Variants in TJP1 observed in about 807,000 individuals in gnomAD.
TJP1 encodes the protein tight junction protein ZO-1.
A neutral mutation model predicts 194.2 loss-of-function variants in TJP1; 43 were observed. That is an observed-to-expected ratio of 0.22 (90% CI 0.17 to 0.29). The LOEUF is 0.29. Among genes scored for constraint, TJP1 ranks in the 10% least tolerant of loss-of-function variants. TJP1 has a pLI of 1.00. For missense variants in TJP1, 1,971 were observed against 2,185.7 expected, an observed-to-expected ratio of 0.90 and a Z score of 1.96; for synonymous variants, 801 against 779.0, an observed-to-expected ratio of 1.03 and a Z score of -0.47.
intron 1 of TJP1, among the ~76,000 whole-genome samples, chr15:29,961,334 CTT>C (rs5811594): frequency 1.1e-5 from 1 of 89,832 alleles, no homozygotes; most frequent in Non-Finnish European, 1.9e-5. Flanking sequence ...TTTCCTAATT[CTT>C]TTTTTTTTTT....
chr15:29,902,300 AAT>A (rs2053658745), intron 2 of TJP1, among the ~76,000 whole-genome samples: 2 of 152,194 alleles, frequency 1.3e-5, no homozygotes. Context: ...GCTTGGAAAA[AAT>A]ATAGACTACG....
chr15:29,822,267 A>C lies in TJP1; in HGVS notation c.-239T>G. 1 of 1,159,422 alleles carries C rather than the reference A, an allele frequency of 8.6e-7. No homozygotes were observed. The highest frequency in any genetic ancestry group is 1.1e-6 in the Non-Finnish European group (1 of 941,190). 71.8% of individuals were successfully genotyped at this position (1,159,422 alleles called of 1,614,324 possible). On this transcript the variant is annotated 5_prime_UTR_variant, in exon 1 of 28. Coordinates refer to ENST00000614355, the MANE Select transcript of TJP1 (RefSeq NM_001330239.4). ...CGCGCCCGACCGGCACCTCCCTCCG[A>C]GCGCGGCCACCCACTCGGCCTCCCG... is the stretch of plus-strand genomic sequence containing the variant.
At chr15:29,949,725 C>T (rs1276732214) in intron 2 of TJP1, among the ~76,000 whole-genome samples, 260 of 117,714 alleles carry the variant, frequency 2.2e-3, no homozygotes, top group Middle Eastern at 6.0e-3. Flanking sequence ...ACCTCCACCG[C>T]CATCACCTCC....
At position 29,949,103 on chromosome 15, in the gene TJP1, A is replaced by G. The variant is rs1261673537; in HGVS notation, c.306+7129T>C. 5.6e-5 allele frequency among the ~76,000 whole-genome samples: 8 copies of G among 143,852 alleles called. 1 individual carries two copies. The East Asian group carries it at 1.7e-3, about 30-fold the overall frequency. 94.4% of individuals were successfully genotyped at this position (143,852 alleles called of 152,430 possible). ...AACCTACTCCTTCACCACCACCTCC[A>G]CCACTTCCACCTCTACAACCACCAC... On this transcript the variant is annotated intron_variant, in intron 2 of 28. Transcript: ENST00000356107.
intron 2 of TJP1, among the ~76,000 whole-genome samples, chr15:29,866,239 G>A (rs745343955): frequency 2.6e-5 from 4 of 152,068 alleles, no homozygotes; most frequent in African/African-American, 7.2e-5. Flanking sequence ...CCTGCTCCCC[G>A]CATTCTTGTT....
intron 2 of TJP1, among the ~76,000 whole-genome samples, chr15:29,793,700 C>A (rs955192036): frequency 1.3e-5 from 2 of 152,172 alleles, no homozygotes; most frequent in African/African-American, 4.8e-5. Context: ...CTAAACCATT[C>A]ATGAGAACTC....
intron 13 of TJP1, 112 bp downstream of exon 13, chr15:29,732,982 T>A (rs912304555): frequency 7.6e-7 from 1 of 1,309,996 alleles, no homozygotes; most frequent in Non-Finnish European, 1.1e-6. Flanking sequence ...TATAGATACG[T>A]TGAATACAAT....
chr15:29,951,200 C>T (rs556635283), intron 2 of TJP1, among the ~76,000 whole-genome samples: 1 of 151,822 alleles, frequency 6.6e-6, no homozygotes, highest in African/African-American at 2.4e-5. Context: ...TGGAGTCTTG[C>T]TCTGTCACCC....
chr15:29,736,973 G>A (rs1218888243), intron 11 of TJP1, among the ~76,000 whole-genome samples: 2 of 152,138 alleles, frequency 1.3e-5, no homozygotes, highest in African/African-American at 2.4e-5. Flanking sequence ...TATTATCATC[G>A]GGATATAAGA....
chr15:29,708,999 C>T lies in TJP1; in HGVS notation c.4410G>A (p.Val1470=), dbSNP rs1407513362. 1.2e-6 allele frequency: 2 copies of T among 1,613,222 alleles called. No individual in the cohort carries two copies. The highest frequency in any genetic ancestry group is 2.2e-5 in the East Asian group (1 of 44,882). ...GAGATGGAGGTGGGTCTGGTTTGGA[C>T]ACTAAGGAATTCTGAAAATCCAATG... ...SVSLDFQNSL[V]SKPDPPPSQN... Residue 1470 remains valine (V), a synonymous_variant, in exon 25 of 28, where the codon GTG becomes GTA. Transcript: ENST00000614355.
rs956117214 is a variant in TJP1, at chr15:29,761,735, G to A, written c.728C>T (p.Thr243Ile). 4 of 1,581,890 alleles carry A rather than the reference G, an allele frequency of 2.5e-6. No homozygotes were observed. The highest frequency in any genetic ancestry group is 3.5e-6 in the Non-Finnish European group (4 of 1,156,052). ...CCTTTCTATCAATGTCTTTGCATCTGTCAATGACATATTTTCTGTCACAGT... is the reference window on the plus strand; with the variant it reads ...CCTTTCTATCAATGTCTTTGCATCTATCAATGACATATTTTCTGTCACAGT... ...NGTVTENMSL[T>I]DAKTLIERSK... is the part of the protein sequence containing the mutation. The change falls in exon 7 of 28, where the codon ACA (threonine) becomes ATA (isoleucine). Residue 243 changes from threonine to isoleucine, a missense_variant. Thr to Ile is a moderately conservative substitution (Grantham distance 89). This residue lies in a region of TJP1 where 245 missense variants were observed against 336.6 expected (regional missense o/e 0.73). Coordinates refer to ENST00000614355, the MANE Select transcript of TJP1 (RefSeq NM_001330239.4).
At position 29,849,558 on chromosome 15, in the gene TJP1, A is replaced by G. The variant is rs531444759; in HGVS notation, c.307-48856T>C. Reference sequence around the variant, plus strand: ...ATTTGATACCAGCCTTACCAATATGACAAAATGCTCTCTACTAAAAATACA... The same window carrying G: ...ATTTGATACCAGCCTTACCAATATGGCAAAATGCTCTCTACTAAAAATACA... On this transcript the variant is annotated intron_variant, in intron 2 of 28. Coordinates refer to the TJP1 transcript ENST00000356107. 6.6e-4 allele frequency among the ~76,000 whole-genome samples: 100 copies of G among 152,148 alleles called. 1 individual carries two copies. Among genetic ancestry groups the G allele is most frequent in the South Asian group, 3.1e-3 (15 of 4,812 alleles).
intron 2 of TJP1, among the ~76,000 whole-genome samples, chr15:29,939,057 G>T (rs567182322): frequency 2.0e-5 from 3 of 152,344 alleles, no homozygotes; most frequent in African/African-American, 7.2e-5. Flanking sequence ...CCCAGGCTCA[G>T]TGTCTTGGAC....
rs1367006722 is a variant in TJP1, at chr15:29,705,714, C to A, written c.4882G>T (p.Asp1628Tyr). 6.2e-7 allele frequency: 1 copy of A among 1,614,156 alleles called. No individual in the cohort carries two copies. The change falls in exon 26 of 28, where the codon GAT (aspartate) becomes TAT (tyrosine). Residue 1628 changes from aspartate (D) to tyrosine (Y), a missense_variant. Asp to Tyr is a radical substitution (Grantham distance 160). This residue lies in a region of TJP1 where 1,108 missense variants were observed against 1,128.5 expected (regional missense o/e 0.98). Coordinates refer to ENST00000614355, the MANE Select transcript of TJP1 (RefSeq NM_001330239.4). ...GCTGTGGCCACCACAGTATGACCAT[C>A]TTCATCTTCATCCTCTTCCACAGCT... ...PSAVEEDEDEDGHTVVATARG... is the reference protein window; with the variant it reads ...PSAVEEDEDEYGHTVVATARG...
upstream of TJP1, among the ~76,000 whole-genome samples, chr15:29,825,031 A>T (rs565833332): frequency 6.6e-6 from 1 of 152,298 alleles, no homozygotes; most frequent in African/African-American, 2.4e-5. Flanking sequence ...ATCTAAATTA[A>T]ACTTCATAAA....
At chr15:29,787,905 C>G (rs1299597217) in intron 2 of TJP1, among the ~76,000 whole-genome samples, 1 of 152,160 alleles carries the variant, frequency 6.6e-6, no homozygotes, top group African/African-American at 2.4e-5. Flanking sequence ...CTGTTTTCTA[C>G]AGCAGCTGCA....
intron 1 of TJP1, among the ~76,000 whole-genome samples, chr15:29,820,945 T>C (rs2050290601): frequency 6.6e-6 from 1 of 152,216 alleles, no homozygotes; most frequent in African/African-American, 2.4e-5. Flanking sequence ...AGGCATAGTA[T>C]TCCTGCTCCC....
chr15:29,906,787 C>G (rs1311746560), intron 2 of TJP1, among the ~76,000 whole-genome samples: 3 of 151,684 alleles, frequency 2.0e-5, no homozygotes, highest in Non-Finnish European at 4.4e-5. Context: ...ACCATGTTAG[C>G]CAGGCTAGTC....
intron 2 of TJP1, among the ~76,000 whole-genome samples, chr15:29,918,260 T>C (rs2054248095): frequency 1.3e-5 from 2 of 152,236 alleles, no homozygotes; most frequent in African/African-American, 4.8e-5. Flanking sequence ...TTCCACCTTT[T>C]GGCTATTGCG....
Sources: gnomAD v4.1 joint callset for allele counts (sites outside exome capture counted in the v4.1 genomes callset) on GRCh38, gnomAD v4.1.1 for gene constraint, gnomAD v4.1.1 regional missense constraint, MANE v1.5 for transcripts, NCBI Gene and HGNC (gene_info 2026-07-23, HGNC 2026-07-21) for gene names.